Variants in CDC40 observed in about 807,000 individuals in gnomAD.
The protein encoded by CDC40 is cell division cycle 40.
A neutral mutation model predicts 80.6 loss-of-function variants in CDC40; 27 were observed. That is an observed-to-expected ratio of 0.33 (90% confidence interval 0.25 to 0.46). CDC40 has a LOEUF of 0.46. CDC40 is among the 20% of genes least tolerant of loss of function. CDC40 has a pLI of 1.00. For missense variants in CDC40, 486 were observed against 694.1 expected, an observed-to-expected ratio of 0.70 and a Z score of 3.37; for synonymous variants, 221 against 232.6, an observed-to-expected ratio of 0.95 and a Z score of 0.45.
At chr6:110,228,227 C>A (rs780898349) in intron 13 of CDC40, among the ~76,000 whole-genome samples, 1 of 152,118 alleles carries the variant, frequency 6.6e-6, no homozygotes, top group Non-Finnish European at 1.5e-5. Flanking sequence ...CTTATGGGAC[C>A]ACTGTCATAC....
rs781351976 is a variant in CDC40 at position 110,226,156 on chromosome 6, A to G, written c.1341-11A>G. On this transcript the variant is annotated splice_polypyrimidine_tract_variant and intron_variant, in intron 12 of 14. Coordinates refer to ENST00000307731, the MANE Select transcript of CDC40 (RefSeq NM_015891.3). The stretch of plus-strand genomic sequence containing the variant: ...AGTTGCTTATTCTGATATGCTATTT[A>G]AAATTTTTAGGGATATCCCTGTGGA... The G allele has an allele frequency of 2.6e-6, 4 of 1,550,276 alleles. No homozygotes were observed. The East Asian group carries it at 9.0e-5, about 35-fold the overall frequency.
intron 2 of CDC40, among the ~76,000 whole-genome samples, chr6:110,196,380 A>G (rs962008638): frequency 1.4e-4 from 22 of 152,226 alleles, no homozygotes; most frequent in Admixed American, 9.2e-4. Context: ...GGTTATATAG[A>G]TAATTTTTCT....
chr6:110,210,991 AAAT>A, intron 6 of CDC40, 188 bp downstream of exon 6: 1 of 267,530 alleles, frequency 3.7e-6, no homozygotes, highest in Non-Finnish European at 7.4e-6. Context: ...AAAGGAGAAA[AAAT>A]AGCATGATTA....
rs1041328871 is a variant in CDC40 at position 110,217,708 on chromosome 6, G to A, written c.995G>A (p.Ser332Asn). 16 of 1,548,112 alleles carry A rather than the reference G, an allele frequency of 1.0e-5. No individual in the cohort carries two copies. The highest frequency in any genetic ancestry group is 3.3e-5 in the South Asian group (3 of 89,690). The change falls in exon 10 of 15, where the codon AGT (serine) becomes AAT (asparagine). Residue 332 changes from serine (S) to asparagine (N), a missense_variant. By Grantham distance (46) the Ser-to-Asn change is conservative. This residue lies in a region of CDC40 where 381 missense variants were observed against 492.1 expected (regional missense o/e 0.77). Coordinates refer to ENST00000307731, the MANE Select transcript of CDC40 (RefSeq NM_015891.3). Reference protein sequence around the residue: ...RRCLRTFIGHSKAVRDICFNT... With the variant: ...RRCLRTFIGHNKAVRDICFNT... ...CTGTTGACTCCACCTTTAGGTCACA[G>A]TAAGGCTGTTAGGGATATCTGCTTC...
Position 110,198,329 on chromosome 6 carries a change from C to T in CDC40, c.277-3229C>T, listed in dbSNP as rs537605936. ...AGTAGGTGTCTACAGGCACACACCA[C>T]CATGCCTAGCTAATTTTTTGTATTT... On this transcript the variant is annotated intron_variant, in intron 2 of 14. Transcript: ENST00000307731. 2.6e-5 allele frequency among the ~76,000 whole-genome samples: 4 copies of T among 152,140 alleles called. No homozygotes were observed. In the East Asian group the frequency reaches 7.7e-4, roughly 29 times the overall value.
chr6:110,220,227 A>G (rs1272334937), intron 12 of CDC40, among the ~76,000 whole-genome samples: 1 of 152,176 alleles, frequency 6.6e-6, no homozygotes, highest in African/African-American at 2.4e-5. Context: ...TCATGGCCCT[A>G]GAACCACCCA....
Position 110,219,771 on chromosome 6 carries a change from T to C in CDC40, c.1242T>C (p.Tyr414=). 1 of 1,614,100 alleles carries C rather than the reference T, an allele frequency of 6.2e-7. No homozygotes were observed. Among genetic ancestry groups the C allele is most frequent in the Non-Finnish European group, 8.5e-7 (1 of 1,179,964 alleles). ...GAAGTGGAGAAATTGTGCAGGAATA[T>C]GATCGGCATTTGGGAGCTGTCAACA... ...DIRSGEIVQE[Y]DRHLGAVNTI... Residue 414 remains tyrosine, a synonymous_variant, in exon 12 of 15, where the codon TAT becomes TAC. Transcript: ENST00000307731.
At chr6:110,198,249 C>A (rs147499195) in intron 2 of CDC40, among the ~76,000 whole-genome samples, 174 of 151,002 alleles carry the variant, frequency 1.2e-3, no homozygotes, top group African/African-American at 3.8e-3. Context: ...GTGATCTCAG[C>A]TCACTACAAC....
At position 110,227,875 on chromosome 6, in the gene CDC40, A is replaced by G. The variant is rs537976897; in HGVS notation, c.1418-957A>G. 4.3e-4 allele frequency among the ~76,000 whole-genome samples: 66 copies of G among 152,328 alleles called. 1 individual carries two copies. The South Asian group carries it at 0.013, about 31-fold the overall frequency. ...GAATTTTGGTATTGGGTAGGGGTGC[A>G]GATCCTGGAACCAATTCCCAACAGA... is the stretch of plus-strand genomic sequence containing the variant. On this transcript the variant is annotated intron_variant, in intron 13 of 14. Transcript: ENST00000307731.
chr6:110,202,498 T>C (rs1777506086), intron 3 of CDC40, among the ~76,000 whole-genome samples: 1 of 152,262 alleles, frequency 6.6e-6, no homozygotes, highest in Non-Finnish European at 1.5e-5. Flanking sequence ...TAAAGACTTA[T>C]TGTCTTCGAC....
intron 5 of CDC40, among the ~76,000 whole-genome samples, chr6:110,209,530 A>C (rs530295291): frequency 1.7e-4 from 26 of 152,188 alleles, no homozygotes; most frequent in Non-Finnish European, 2.8e-4. Context: ...GATACTAGAC[A>C]TTCAGATAGT....
intron 2 of CDC40, among the ~76,000 whole-genome samples, chr6:110,193,887 A>G (rs1321425293): frequency 6.6e-6 from 1 of 152,214 alleles, no homozygotes; most frequent in Non-Finnish European, 1.5e-5. Flanking sequence ...CTCAGTCTTC[A>G]TGAGGGAGTA....
In CDC40 at chr6:110,219,813, T is replaced by A. The variant is rs1777745488; in HGVS notation, c.1284T>A (p.Asp428Glu). 6.2e-7 allele frequency: 1 copy of A among 1,613,460 alleles called. No individual in the cohort carries two copies. Among genetic ancestry groups the A allele is most frequent in the Non-Finnish European group, 8.5e-7 (1 of 1,179,428 alleles). ...LGAVNTIVFV[D>E]ENRRFVSTSD... is the part of the protein sequence containing the mutation. ...CTGTCAACACCATTGTTTTTGTGGA[T>A]GAGAATAGGAGATTTGTGAGCACAT... Residue 428 changes from aspartate to glutamate, a missense_variant, in exon 12 of 15, where the codon GAT (aspartate) becomes GAA (glutamate). By Grantham distance (45) the Asp-to-Glu change is conservative. This residue lies in a region of CDC40 where 17 missense variants were observed against 63.3 expected (regional missense o/e 0.27). Coordinates refer to ENST00000307731, the MANE Select transcript of CDC40 (RefSeq NM_015891.3).
At chr6:110,210,038 AAAC>A (rs1402726551) in intron 5 of CDC40, among the ~76,000 whole-genome samples, 1 of 152,168 alleles carries the variant, frequency 6.6e-6, no homozygotes, top group African/African-American at 2.4e-5. Flanking sequence ...ATTAACTGAA[AAAC>A]AACATTATGT....
chr6:110,215,243 A>G (rs752301197), intron 8 of CDC40, 43 bp from the exon 9 acceptor site: 2 of 1,533,212 alleles, frequency 1.3e-6, no homozygotes, highest in East Asian at 4.5e-5. Context: ...AAGGACCTTT[A>G]TTAAATGTAA....
intron 3 of CDC40, among the ~76,000 whole-genome samples, chr6:110,204,075 C>T (rs1454989073): frequency 1.3e-5 from 2 of 152,218 alleles, no homozygotes; most frequent in East Asian, 1.9e-4. Context: ...TGCAGTGGCG[C>T]GATCTCAGCT....
chr6:110,183,076 G>A (rs1298031476), intron 1 of CDC40, among the ~76,000 whole-genome samples: 1 of 152,140 alleles, frequency 6.6e-6, no homozygotes, highest in Non-Finnish European at 1.5e-5. Context: ...CTTTCTGCCT[G>A]GAAATCCCTT....
intron 1 of CDC40, among the ~76,000 whole-genome samples, chr6:110,190,979 T>C (rs1386960941): frequency 6.6e-6 from 1 of 152,100 alleles, no homozygotes. Flanking sequence ...AGGCTGCAGA[T>C]AAAAATAGGG....
chr6:110,195,506 T>C (rs970310193), intron 2 of CDC40, among the ~76,000 whole-genome samples: 5 of 152,170 alleles, frequency 3.3e-5, no homozygotes, highest in Admixed American at 6.5e-5. Context: ...GGAATACTTA[T>C]TAGCTCTGTG....
Sources: gnomAD v4.1 joint callset for allele counts (sites outside exome capture counted in the v4.1 genomes callset) on GRCh38, gnomAD v4.1.1 for gene constraint, gnomAD v4.1.1 regional missense constraint, MANE v1.5 for transcripts, NCBI Gene and HGNC (gene_info 2026-07-23, HGNC 2026-07-21) for gene names.